Variants in NCAM2 observed in about 807,000 individuals in gnomAD.
NCAM2 encodes the protein neural cell adhesion molecule 2.
NCAM2 carries 30 observed loss-of-function variants against 98.1 expected under a neutral mutation model. The observed-to-expected ratio is 0.31, with a 90% CI of 0.23 to 0.41. The LOEUF is 0.41. Among genes scored for constraint, NCAM2 ranks in the 10% least tolerant of loss-of-function variants. The pLI is 1.00. For missense variants in NCAM2, 867 were observed against 1,005.8 expected, an observed-to-expected ratio of 0.86 and a Z score of 1.87; for synonymous variants, 368 against 342.4, an observed-to-expected ratio of 1.07 and a Z score of -0.83.
At chr21:21,386,551 C>T (rs2076275022) in intron 9 of NCAM2, among the ~76,000 whole-genome samples, 2 of 152,026 alleles carry the variant, frequency 1.3e-5, no homozygotes, top group Non-Finnish European at 2.9e-5. Context: ...AAGAACAGAC[C>T]ATTAAAAAAG....
chr21:21,436,550 T>C (rs1403436402), intron 12 of NCAM2, among the ~76,000 whole-genome samples: 2 of 152,174 alleles, frequency 1.3e-5, no homozygotes, highest in African/African-American at 4.8e-5. Flanking sequence ...TGAAGGATTT[T>C]TTCTCCTAGT....
At chr21:21,496,627 C>T (rs568386623) in intron 15 of NCAM2, among the ~76,000 whole-genome samples, 1 of 152,066 alleles carries the variant, frequency 6.6e-6, no homozygotes, top group Non-Finnish European at 1.5e-5. Flanking sequence ...TTAGGTCCCA[C>T]TTGTCTATTT....
intron 1 of NCAM2, among the ~76,000 whole-genome samples, chr21:21,108,338 T>C (rs554138252): frequency 6.6e-6 from 1 of 152,128 alleles, no homozygotes; most frequent in Non-Finnish European, 1.5e-5. Flanking sequence ...TCATTCACGG[T>C]TTAATTTCTC....
At chr21:21,328,056 C>T (rs2074567096) in intron 6 of NCAM2, among the ~76,000 whole-genome samples, 1 of 152,050 alleles carries the variant, frequency 6.6e-6, no homozygotes, top group South Asian at 2.1e-4. Flanking sequence ...TCCATTTAAA[C>T]CCCACTTAAT....
intron 1 of NCAM2, among the ~76,000 whole-genome samples, chr21:21,259,977 G>T (rs1339233616): frequency 7.0e-6 from 1 of 143,414 alleles, no homozygotes; most frequent in Admixed American, 7.0e-5. Context: ...AAGGATTCAG[G>T]ATGTGAAAGA....
At chr21:21,130,827 A>G (rs2826671) in intron 1 of NCAM2, among the ~76,000 whole-genome samples, 81,710 of 151,944 alleles carry the variant, frequency 0.54, 23,463 homozygotes, top group South Asian at 0.64. Context: ...ATGGCAAAAC[A>G]TATGTCCAAA....
At chr21:21,092,410 A>G (rs1328738196) in intron 1 of NCAM2, among the ~76,000 whole-genome samples, 2 of 152,020 alleles carry the variant, frequency 1.3e-5, no homozygotes, top group Non-Finnish European at 2.9e-5. Flanking sequence ...TACAAATTCT[A>G]TGGCTAGTTT....
At chr21:21,362,497 A>G (rs1346911381) in intron 8 of NCAM2, among the ~76,000 whole-genome samples, 3 of 151,862 alleles carry the variant, frequency 2.0e-5, no homozygotes, top group South Asian at 4.2e-4. Context: ...GGGTCAACCA[A>G]TCCTCCCACC....
intron 1 of NCAM2, among the ~76,000 whole-genome samples, chr21:21,204,657 C>A (rs2069366757): frequency 6.6e-6 from 1 of 152,016 alleles, no homozygotes; most frequent in Non-Finnish European, 1.5e-5. Context: ...TTACATATAC[C>A]AAAGTTCAAC....
chr21:21,029,658 G>T (rs562653865), intron 1 of NCAM2, among the ~76,000 whole-genome samples: 1 of 152,012 alleles, frequency 6.6e-6, no homozygotes, highest in East Asian at 1.9e-4. Flanking sequence ...TTGAGATGGA[G>T]TCTCGCTCTG....
intron 1 of NCAM2, among the ~76,000 whole-genome samples, chr21:21,070,941 AT>A (rs1197061085): frequency 6.6e-6 from 1 of 152,184 alleles, no homozygotes; most frequent in African/African-American, 2.4e-5. Context: ...AGCTTGTAAA[AT>A]TGGTAGGATG....
intron 1 of NCAM2, among the ~76,000 whole-genome samples, chr21:21,204,379 A>C (rs1336320116): frequency 6.6e-6 from 1 of 152,136 alleles, no homozygotes; most frequent in African/African-American, 2.4e-5. Context: ...TAGCTTTCTT[A>C]TACAGGGTAC....
intron 1 of NCAM2, among the ~76,000 whole-genome samples, chr21:21,090,915 G>A (rs1301010112): frequency 1.3e-5 from 2 of 152,042 alleles, no homozygotes; most frequent in African/African-American, 4.8e-5. Flanking sequence ...TAAATCAATA[G>A]ACCACAACCC....
intron 1 of NCAM2, among the ~76,000 whole-genome samples, chr21:21,010,293 T>G (rs911055349): frequency 7.9e-5 from 12 of 152,014 alleles, no homozygotes; most frequent in Admixed American, 7.2e-4. Context: ...AGAACAAAAC[T>G]TAACCTAGGT....
At chr21:21,263,863 G>A (rs1006141281) in intron 1 of NCAM2, among the ~76,000 whole-genome samples, 2 of 151,978 alleles carry the variant, frequency 1.3e-5, no homozygotes, top group Non-Finnish European at 2.9e-5. Context: ...AGCTCAAGAT[G>A]AATTAAGGAC....
chr21:21,359,584 AGATAAT>A (rs1202235510), intron 8 of NCAM2, among the ~76,000 whole-genome samples: 7 of 152,010 alleles, frequency 4.6e-5, no homozygotes, highest in African/African-American at 1.7e-4. Context: ...CAGTTTTATA[AGATAAT>A]GTGATAGTAG....
At chr21:21,357,872 TA>T (rs1366712509) in intron 8 of NCAM2, among the ~76,000 whole-genome samples, 4 of 152,120 alleles carry the variant, frequency 2.6e-5, no homozygotes, top group Admixed American at 2.0e-4. Context: ...TAAATAAACT[TA>T]ATAAAATACT....
intron 1 of NCAM2, among the ~76,000 whole-genome samples, chr21:21,126,545 T>G (rs1160625714): frequency 6.6e-6 from 1 of 152,020 alleles, no homozygotes; most frequent in African/African-American, 2.4e-5. Flanking sequence ...CCCATTTCTC[T>G]ACCTATTTGT....
intron 1 of NCAM2, among the ~76,000 whole-genome samples, chr21:21,142,533 C>A (rs1468814169): frequency 7.5e-6 from 1 of 134,164 alleles, no homozygotes; most frequent in Non-Finnish European, 1.6e-5. Flanking sequence ...CGTCCGCCAC[C>A]AGGCCTGGCT....
Sources: gnomAD v4.1 joint callset for allele counts (sites outside exome capture counted in the v4.1 genomes callset) on GRCh38, gnomAD v4.1.1 for gene constraint, MANE v1.5 for transcripts, NCBI Gene and HGNC (gene_info 2026-07-23, HGNC 2026-07-21) for gene names.